The following GABRA6 variants were observed in gnomAD, a reference collection of about 807,000 sequenced individuals.
GABRA6 encodes gamma-aminobutyric acid type A receptor subunit alpha6, also known as gamma-aminobutyric acid receptor subunit alpha-6.
In GABRA6, 45 loss-of-function variants were observed where a neutral mutation model predicts 47.3. The ratio of observed to expected loss-of-function variants is 0.95; its 90% CI spans 0.75 to 1.22. The LOEUF (loss-of-function observed/expected upper bound fraction) is 1.22, where lower values mean the gene tolerates loss of function less well. Ranked by LOEUF, GABRA6 falls within the 50% of genes most tolerant of loss-of-function variation. GABRA6 has a pLI of 0.00. For missense variants in GABRA6, 583 were observed against 549.3 expected, an observed-to-expected ratio of 1.06 and a Z score of -0.61; for synonymous variants, 219 against 194.7, an observed-to-expected ratio of 1.12 and a Z score of -1.04.
chr5:161,685,895 T>G lies in GABRA6; in HGVS notation c.-95T>G, dbSNP rs1754681875. 5.0e-6 allele frequency: 5 copies of G among 995,298 alleles called. No individual in the cohort carries two copies. The highest frequency in any genetic ancestry group is 8.1e-6 in the Non-Finnish European group (5 of 614,894). The allele number at this position is 995,298 out of a possible 1,614,324, so 61.7% of individuals were successfully genotyped here. A position where few individuals can be genotyped will look rare whatever the true frequency, so the allele number is the denominator to read the frequency against. On this transcript the variant is annotated 5_prime_UTR_variant, in exon 1 of 9. Transcript: ENST00000274545. Reference sequence around the variant, plus strand: ...AAACAAGGAACAGAGATATGAAGGGTTTGAAAGATTTCTCCAGTTGATTGG... The same window carrying G: ...AAACAAGGAACAGAGATATGAAGGGGTTGAAAGATTTCTCCAGTTGATTGG...
At chr5:161,697,296 G>A (rs1351768675) in intron 8 of GABRA6, among the ~76,000 whole-genome samples, 4 of 152,230 alleles carry the variant, frequency 2.6e-5, no homozygotes, top group African/African-American at 9.6e-5. Context: ...AGAGCAGGAA[G>A]GGACTGAAGC....
Position 161,686,258 on chromosome 5 carries a change from G to GT in GABRA6, c.69dup (p.Glu24Ter). ...AGAAAATGCCCTAGGGAAACTCGAA[G>GT]TTGAAGGCAACTTCTACTCAGAAAA... On this transcript the variant is annotated frameshift_variant, in exon 2 of 9. Transcript: ENST00000274545. LOFTEE classifies it high-confidence loss of function. 6.2e-7 allele frequency: 1 copy of GT among 1,614,040 alleles called. No homozygotes were observed. Among genetic ancestry groups the GT allele is most frequent in the South Asian group, 1.1e-5 (1 of 91,088 alleles).
At chr5:161,691,298 T>C (rs1355015189) in intron 7 of GABRA6, among the ~76,000 whole-genome samples, 4 of 133,346 alleles carry the variant, frequency 3.0e-5, no homozygotes, top group African/African-American at 1.1e-4. Flanking sequence ...CTTTTTTTTT[T>C]TTTTTTTTTT....
At chr5:161,689,539 GTTTGTATTTCCTTT>G (rs1754757416) in intron 5 of GABRA6, 83 bp from the exon 6 acceptor site, 2 of 1,196,854 alleles carry the variant, frequency 1.7e-6, no homozygotes, top group African/African-American at 3.1e-5. Flanking sequence ...TACAATCTAT[GTTTGTATTTCCTTT>G]TTTATAGACA....
At position 161,701,697 on chromosome 5, in the gene GABRA6, T is replaced by C; in HGVS notation, c.1286T>C (p.Phe429Ser). The part of the protein sequence containing the change: ...QYSRILFPVA[F>S]AGFNLVYWVV... ...TCTCGAATTCTCTTCCCAGTTGCAT[T>C]TGCAGGATTCAACCTTGTGTACTGG... Residue 429 changes from phenylalanine to serine, a missense_variant, in exon 9 of 9, where the codon TTT becomes TCT. Phe to Ser is a radical substitution (Grantham distance 155). Transcript: ENST00000274545. The C allele has an allele frequency of 6.2e-7, 1 of 1,614,194 alleles. No individual in the cohort carries two copies. The highest frequency in any genetic ancestry group is 8.5e-7 in the Non-Finnish European group (1 of 1,180,012).
chr5:161,700,862 GC>G (rs1349985557), intron 8 of GABRA6, among the ~76,000 whole-genome samples: 1 of 152,180 alleles, frequency 6.6e-6, no homozygotes, highest in Admixed American at 6.5e-5. Flanking sequence ...CTAAGAGGCA[GC>G]TATATTTCAA....
At position 161,701,847 on chromosome 5, in the gene GABRA6, G is replaced by T; in HGVS notation, c.*74G>T. On this transcript the variant is annotated 3_prime_UTR_variant, in exon 9 of 9. Coordinates refer to ENST00000274545, the MANE Select transcript of GABRA6 (RefSeq NM_000811.3). Reference sequence around the variant, plus strand: ...CTATGTTTTCTTAAAAAATAGCATTGAGACTTGTGTAGATGCTTCTCAGAA... The same window carrying T: ...CTATGTTTTCTTAAAAAATAGCATTTAGACTTGTGTAGATGCTTCTCAGAA... 1.4e-6 allele frequency: 2 copies of T among 1,471,968 alleles called. No individual in the cohort carries two copies. Among genetic ancestry groups the T allele is most frequent in the Non-Finnish European group, 1.9e-6 (2 of 1,054,348 alleles). The allele number at this position is 1,471,968 out of a possible 1,614,324, so 91.2% of individuals were successfully genotyped here. A position where few individuals can be genotyped will look rare whatever the true frequency, so the allele number is the denominator to read the frequency against.
At position 161,699,640 on chromosome 5, in the gene GABRA6, T is replaced by C. The variant is rs572952826; in HGVS notation, c.1087-1858T>C. ...CCACCATACCAGCTAATTTTTGTAT[T>C]TCTAATAGAGACGGGGTTTCACCAT... On this transcript the variant is annotated intron_variant, in intron 8 of 8. Coordinates refer to ENST00000274545, the MANE Select transcript of GABRA6 (RefSeq NM_000811.3). 1.1e-3 allele frequency among the ~76,000 whole-genome samples: 171 copies of C among 151,812 alleles called. 1 individual carries two copies. Among genetic ancestry groups the C allele is most frequent in the African/African-American group, 3.9e-3 (162 of 41,346 alleles).
At chr5:161,689,893 T>A in intron 6 of GABRA6, 114 bp downstream of exon 6, 1 of 1,161,676 alleles carries the variant, frequency 8.6e-7, no homozygotes, top group Non-Finnish European at 1.3e-6. Flanking sequence ...AGCATGCTGT[T>A]TTGCAGTGAT....
chr5:161,690,176 T>G, intron 6 of GABRA6, 25 bp from the exon 7 acceptor site: 1 of 1,609,510 alleles, frequency 6.2e-7, no homozygotes, highest in Non-Finnish European at 8.5e-7. Context: ...GCAGTAATAA[T>G]ACTGATGTAT....
Position 161,701,646 on chromosome 5 carries a change from G to C in GABRA6, c.1235G>C (p.Gly412Ala). 6.2e-7 allele frequency: 1 copy of C among 1,614,136 alleles called. No individual in the cohort carries two copies. The highest frequency in any genetic ancestry group is 8.5e-7 in the Non-Finnish European group (1 of 1,180,026). Reference protein sequence around the residue: ...VTPPPLSPAFGGTSKIDQYSR... With the variant: ...VTPPPLSPAFAGTSKIDQYSR... ...CCCCCACCACTCTCGCCAGCCTTTG[G>C]AGGCACCAGTAAAATAGACCAGTAT... Residue 412 changes from glycine to alanine, a missense_variant, in exon 9 of 9, where the codon GGA becomes GCA. Transcript: ENST00000274545.
intron 6 of GABRA6, 168 bp from the exon 7 acceptor site, chr5:161,690,033 T>C: frequency 1.4e-6 from 1 of 710,614 alleles, no homozygotes; most frequent in South Asian, 1.7e-5. Context: ...GATGTGTCTC[T>C]TCGCTCTATC....
Position 161,692,089 on chromosome 5 carries a change from C to T in GABRA6, c.975C>T (p.Asn325=). The change falls in exon 8 of 9, where the codon AAC becomes AAT. Residue 325 remains asparagine (N), a synonymous_variant. Transcript: ENST00000274545. ...CGCTTATCGAGTTCGCAGCTGTCAA[C>T]TACTTTACCAATCTTCAGACACAGA... The part of the protein sequence containing the change: ...FSALIEFAAV[N]YFTNLQTQKA... 6.2e-7 allele frequency: 1 copy of T among 1,614,152 alleles called. No homozygotes were observed. The highest frequency in any genetic ancestry group is 8.5e-7 in the Non-Finnish European group (1 of 1,179,996).
At chr5:161,686,801 C>A (rs1754709105) in intron 2 of GABRA6, 135 bp from the exon 3 acceptor site, 1 of 757,856 alleles carries the variant, frequency 1.3e-6, no homozygotes, top group Non-Finnish European at 2.4e-6. Context: ...ACCCAAGGAT[C>A]CCCACTACTG....
At chr5:161,689,233 C>G (rs758990846) in intron 4 of GABRA6, 21 bp from the exon 5 acceptor site, 20 of 1,608,804 alleles carry the variant, frequency 1.2e-5, no homozygotes, top group Non-Finnish European at 1.7e-5. Flanking sequence ...AACTCAGAAC[C>G]GTTGATTTCA....
intron 3 of GABRA6, among the ~76,000 whole-genome samples, chr5:161,688,737 T>C (rs977693510): frequency 1.2e-4 from 19 of 152,106 alleles, no homozygotes; most frequent in African/African-American, 4.3e-4. Context: ...AGGAGGGAAG[T>C]TTACATATCA....
At chr5:161,698,985 G>T (rs1274720898) in intron 8 of GABRA6, among the ~76,000 whole-genome samples, 1 of 152,012 alleles carries the variant, frequency 6.6e-6, no homozygotes, top group Non-Finnish European at 1.5e-5. Flanking sequence ...AATTATTTGG[G>T]AATCCTCATT....
At chr5:161,691,287 CCTTTTTTT>C (rs1754785313) in intron 7 of GABRA6, among the ~76,000 whole-genome samples, 1 of 122,164 alleles carries the variant, frequency 8.2e-6, no homozygotes, top group African/African-American at 3.0e-5. Context: ...CTTTTTCTTT[CCTTTTTTT>C]TTTTTTTTTT....
chr5:161,700,100 A>G (rs1045195735), intron 8 of GABRA6, among the ~76,000 whole-genome samples: 1 of 152,222 alleles, frequency 6.6e-6, no homozygotes, highest in Non-Finnish European at 1.5e-5. Context: ...AGCAAAATCA[A>G]GAGGAGAATA....
Sources: allele counts gnomAD v4.1 joint callset (sites outside exome capture counted in the v4.1 genomes callset), GRCh38; gene constraint gnomAD v4.1.1; transcripts MANE v1.5; gene names NCBI Gene and HGNC (gene_info 2026-07-23, HGNC 2026-07-21).